Variants in IRF2 observed in about 807,000 individuals in gnomAD.
IRF2 encodes interferon regulatory factor 2.
A neutral mutation model predicts 40.6 loss-of-function variants in IRF2; 15 were observed. That is an observed-to-expected ratio of 0.37 (90% CI 0.25 to 0.57). IRF2 has a LOEUF of 0.57. Ranked by LOEUF, IRF2 falls within the 20% of genes least tolerant of loss-of-function variation. The pLI, the probability that IRF2 is intolerant of heterozygous loss-of-function variation, is 0.77. For synonymous variants in IRF2, 151 were observed against 165.5 expected (o/e 0.91, Z 0.67); for missense variants, 317 against 455.7 (o/e 0.70, Z 2.77).
At chr4:184,462,816 TAC>T (rs1739191836) in intron 1 of IRF2, among the ~76,000 whole-genome samples, 1 of 152,258 alleles carries the variant, frequency 6.6e-6, no homozygotes, top group Admixed American at 6.5e-5. Context: ...TCAATTCATA[TAC>T]CATTAGGTTT....
intron 1 of IRF2, among the ~76,000 whole-genome samples, chr4:184,467,690 A>G (rs572553735): frequency 6.6e-6 from 1 of 152,366 alleles, no homozygotes; most frequent in African/African-American, 2.4e-5. Context: ...CCAAAATCTG[A>G]CATTCATAAG....
rs1411265181 is a variant in IRF2 at position 184,436,754 on chromosome 4, T to G, written c.-6-7684A>C. On this transcript the variant is annotated intron_variant, in intron 1 of 8. Transcript: ENST00000393593. Reference sequence around the variant, plus strand: ...TGTTTGCTGATGTGAGCAGAGCAACTGTCTTATGCACCAACAGGGGTGTCT... The same window carrying G: ...TGTTTGCTGATGTGAGCAGAGCAACGGTCTTATGCACCAACAGGGGTGTCT... 2.0e-5 allele frequency among the ~76,000 whole-genome samples: 3 copies of G among 152,222 alleles called. No individual in the cohort carries two copies. The East Asian group carries it at 5.8e-4, about 29-fold the overall frequency.
At chr4:184,410,242 T>C (rs1465809096) in intron 5 of IRF2, among the ~76,000 whole-genome samples, 2 of 152,196 alleles carry the variant, frequency 1.3e-5, no homozygotes, top group African/African-American at 4.8e-5. Context: ...CTGCGGACAG[T>C]TGTAAACTGA....
chr4:184,435,856 C>T (rs1738055705), intron 1 of IRF2, among the ~76,000 whole-genome samples: 1 of 152,136 alleles, frequency 6.6e-6, no homozygotes. Flanking sequence ...CATCTCAATC[C>T]CTGATCTAAT....
chr4:184,398,962 A>T lies in IRF2; in HGVS notation c.647T>A (p.Met216Lys). The T allele has an allele frequency of 6.2e-7, 1 of 1,612,838 alleles. No homozygotes were observed. The highest frequency in any genetic ancestry group is 1.1e-5 in the South Asian group (1 of 91,016). ...GATCTGCAGAGGGTAGAGCTCGCTC[A>T]TGCTGACCGGCTGCTCGTCGCTCTC... ...TTESDEQPVSMSELYPLQISP... is the reference protein window; with the variant it reads ...TTESDEQPVSKSELYPLQISP... The change falls in exon 7 of 9, where the codon ATG (methionine) becomes AAG (lysine). Residue 216 changes from methionine (M) to lysine (K), a missense_variant. Met to Lys is a moderately conservative substitution (Grantham distance 95). Around this residue, in one of 2 missense-constraint regions of IRF2, gnomAD observed 262 missense variants for 334.0 expected, o/e 0.78. Transcript: ENST00000393593.
At chr4:184,402,431 G>A (rs542646021) in intron 6 of IRF2, among the ~76,000 whole-genome samples, 2 of 152,248 alleles carry the variant, frequency 1.3e-5, no homozygotes, top group South Asian at 2.1e-4. Flanking sequence ...GATGGGCCGC[G>A]ACCTTGTGAC....
chr4:184,400,266 C>A (rs996350801), intron 6 of IRF2, among the ~76,000 whole-genome samples: 1 of 152,180 alleles, frequency 6.6e-6, no homozygotes, highest in African/African-American at 2.4e-5. Flanking sequence ...ATCTGTTCCC[C>A]ATTTCATTAA....
intron 6 of IRF2, among the ~76,000 whole-genome samples, chr4:184,403,261 T>G (rs1278865512): frequency 6.6e-6 from 1 of 152,146 alleles, no homozygotes; most frequent in African/African-American, 2.4e-5. Flanking sequence ...CTAACCAGTC[T>G]CTATCTGTTT....
intron 2 of IRF2, among the ~76,000 whole-genome samples, chr4:184,425,218 A>G (rs1030626421): frequency 6.6e-6 from 1 of 152,260 alleles, no homozygotes; most frequent in Admixed American, 6.5e-5. Context: ...CACTCAAAAT[A>G]TAAACAAGGA....
At chr4:184,464,125 T>A (rs1030971126) in intron 1 of IRF2, among the ~76,000 whole-genome samples, 2 of 152,120 alleles carry the variant, frequency 1.3e-5, no homozygotes, top group East Asian at 3.8e-4. Flanking sequence ...GTACAGCATA[T>A]GAAGACAGCG....
intron 1 of IRF2, among the ~76,000 whole-genome samples, chr4:184,434,422 A>G (rs1738006632): frequency 6.6e-6 from 1 of 152,072 alleles, no homozygotes; most frequent in Non-Finnish European, 1.5e-5. Flanking sequence ...TTTTTTCTGT[A>G]AGCTTCTCTT....
chr4:184,428,975 C>T lies in IRF2; in HGVS notation c.87+3G>A. On this transcript the variant is annotated splice_donor_region_variant and intron_variant, in intron 2 of 8. Coordinates refer to ENST00000393593, the MANE Select transcript of IRF2 (RefSeq NM_002199.4). The stretch of plus-strand genomic sequence containing the variant: ...ACACATACACCCACCCTGACCCACT[C>T]ACCTTGTTAAGCCACTTGAGCCCCG... The T allele has an allele frequency of 6.2e-7, 1 of 1,613,650 alleles. No individual in the cohort carries two copies. The highest frequency in any genetic ancestry group is 8.5e-7 in the Non-Finnish European group (1 of 1,179,506).
intron 5 of IRF2, among the ~76,000 whole-genome samples, chr4:184,410,314 A>G (rs952784342): frequency 3.3e-5 from 5 of 152,240 alleles, no homozygotes; most frequent in Non-Finnish European, 7.3e-5. Flanking sequence ...AACTACGTAC[A>G]TGGCACTTAC....
chr4:184,437,256 C>T (rs1738115892), intron 1 of IRF2, among the ~76,000 whole-genome samples: 1 of 152,222 alleles, frequency 6.6e-6, no homozygotes, highest in African/African-American at 2.4e-5. Context: ...CGGGGTTTCA[C>T]CATGTTGGTC....
At chr4:184,466,757 G>GAAC (rs1444366987) in intron 1 of IRF2, among the ~76,000 whole-genome samples, 1 of 152,098 alleles carries the variant, frequency 6.6e-6, no homozygotes, top group African/African-American at 2.4e-5. Context: ...GTCATTGTGT[G>GAAC]AACATCACAG....
intron 1 of IRF2, among the ~76,000 whole-genome samples, chr4:184,473,308 T>TCCCCGGAGGCTCCCCGC (rs1739588753): frequency 6.7e-6 from 1 of 148,268 alleles, no homozygotes; most frequent in South Asian, 2.1e-4. Flanking sequence ...CGCCGCTCGG[T>TCCCCGGAGGCTCCCCGC]CCCCGGAGGC....
At chr4:184,424,763 A>G (rs181017501) in intron 2 of IRF2, among the ~76,000 whole-genome samples, 1 of 152,226 alleles carries the variant, frequency 6.6e-6, no homozygotes, top group African/African-American at 2.4e-5. Context: ...AGACTAAGAC[A>G]ATAGAGGATG....
At chr4:184,438,643 T>C (rs1738177184) in intron 1 of IRF2, among the ~76,000 whole-genome samples, 1 of 152,184 alleles carries the variant, frequency 6.6e-6, no homozygotes, top group Non-Finnish European at 1.5e-5. Flanking sequence ...GTGATTCGCC[T>C]GCCTTGGCCT....
intron 7 of IRF2, among the ~76,000 whole-genome samples, chr4:184,397,028 A>G (rs1410429749): frequency 1.3e-5 from 2 of 152,238 alleles, no homozygotes; most frequent in Non-Finnish European, 2.9e-5. Flanking sequence ...TGCAAAACAT[A>G]GTAGTTCTTG....
Sources: gnomAD v4.1 joint callset for allele counts (sites outside exome capture counted in the v4.1 genomes callset) on GRCh38, gnomAD v4.1.1 for gene constraint, gnomAD v4.1.1 regional missense constraint, MANE v1.5 for transcripts, NCBI Gene and HGNC (gene_info 2026-07-23, HGNC 2026-07-21) for gene names.